VPS41: variants seen among roughly 807,000 people sequenced by gnomAD.
VPS41 encodes the protein vacuolar protein sorting-associated protein 41 homolog.
A neutral mutation model predicts 130.9 loss-of-function variants in VPS41; 85 were observed. The observed-to-expected ratio is 0.65, with a 90% CI of 0.55 to 0.78. The LOEUF (loss-of-function observed/expected upper bound fraction) is 0.78, where lower values mean the gene tolerates loss of function less well. VPS41 is among the 30% of genes least tolerant of loss of function. VPS41 has a pLI of 0.00. For synonymous variants in VPS41, 335 were observed against 332.9 expected (o/e 1.01, Z -0.07); for missense variants, 874 against 1,018.7 (o/e 0.86, Z 1.93).
chr7:38,824,684 T>C (rs1785237993), intron 5 of VPS41, among the ~76,000 whole-genome samples: 1 of 152,170 alleles, frequency 6.6e-6, no homozygotes, highest in African/African-American at 2.4e-5. Context: ...CTTAAATATG[T>C]GCCAAACTGA....
chr7:38,857,116 C>A (rs1454655112), intron 4 of VPS41, among the ~76,000 whole-genome samples: 1 of 152,176 alleles, frequency 6.6e-6, no homozygotes, highest in Non-Finnish European at 1.5e-5. Context: ...CTAAGGAATA[C>A]AGTCCATTAG....
intron 2 of VPS41, among the ~76,000 whole-genome samples, chr7:38,893,891 A>C (rs1269633340): frequency 2.0e-5 from 3 of 152,238 alleles, no homozygotes; most frequent in Non-Finnish European, 4.4e-5. Context: ...ACATACGGCC[A>C]GTTTTTGGTA....
At chr7:38,817,987 A>G (rs1479166492) in intron 6 of VPS41, 105 bp from the exon 7 acceptor site, 2 of 852,678 alleles carry the variant, frequency 2.3e-6, no homozygotes, top group Non-Finnish European at 4.0e-6. Context: ...ATTATCCTGA[A>G]ACCTTGGTAG....
intron 25 of VPS41, among the ~76,000 whole-genome samples, chr7:38,737,523 G>A (rs1192766921): frequency 2.0e-5 from 3 of 152,188 alleles, no homozygotes; most frequent in Admixed American, 6.5e-5. Flanking sequence ...AGGAGGCAGA[G>A]CAGCACCAAG....
chr7:38,873,398 A>T (rs1055140730), intron 2 of VPS41, among the ~76,000 whole-genome samples: 3 of 152,088 alleles, frequency 2.0e-5, no homozygotes, highest in African/African-American at 7.2e-5. Context: ...AATAAAAAAC[A>T]TTTAAAAGTC....
At chr7:38,738,107 C>T (rs933840752) in intron 25 of VPS41, among the ~76,000 whole-genome samples, 16 of 152,156 alleles carry the variant, frequency 1.1e-4, no homozygotes, top group African/African-American at 3.4e-4. Flanking sequence ...TGAGGCTTAG[C>T]CTGGTGAGAT....
intron 1 of VPS41, among the ~76,000 whole-genome samples, chr7:38,899,654 C>T (rs10274968): frequency 0.65 from 98,647 of 151,930 alleles, 33,758 homozygotes; most frequent in East Asian, 0.87. Flanking sequence ...CCTAACACCA[C>T]TGGGGTTGGA....
chr7:38,793,926 C>A (rs545084845), intron 9 of VPS41, among the ~76,000 whole-genome samples: 1 of 152,246 alleles, frequency 6.6e-6, no homozygotes, highest in East Asian at 1.9e-4. Context: ...TCTCAAGATC[C>A]TTAACTTAAT....
chr7:38,758,930 C>T (rs1395362692), intron 17 of VPS41, among the ~76,000 whole-genome samples: 1 of 148,604 alleles, frequency 6.7e-6, no homozygotes. Context: ...CCAAAGAGGA[C>T]CTGGAAGCTC....
intron 3 of VPS41, among the ~76,000 whole-genome samples, chr7:38,866,961 T>C (rs192430586): frequency 2.6e-5 from 4 of 152,212 alleles, no homozygotes; most frequent in South Asian, 2.1e-4. Flanking sequence ...ACCTATACAA[T>C]GGAATACTGT....
At chr7:38,864,392 T>C (rs1339243048) in intron 3 of VPS41, among the ~76,000 whole-genome samples, 5 of 152,238 alleles carry the variant, frequency 3.3e-5, no homozygotes, top group Non-Finnish European at 7.3e-5. Context: ...ATAATTATTT[T>C]GACTTTACAG....
chr7:38,824,667 C>A (rs1286428049), intron 5 of VPS41, among the ~76,000 whole-genome samples: 1 of 152,090 alleles, frequency 6.6e-6, no homozygotes, highest in Non-Finnish European at 1.5e-5. Context: ...AAAAAACATT[C>A]AAAAGCCTTA....
intron 4 of VPS41, among the ~76,000 whole-genome samples, chr7:38,840,108 G>A (rs1785579634): frequency 1.3e-5 from 2 of 152,224 alleles, no homozygotes; most frequent in East Asian, 1.9e-4. Context: ...TGAAGCAAAC[G>A]GGGAATTCTT....
intron 25 of VPS41, among the ~76,000 whole-genome samples, chr7:38,737,328 C>T (rs542398485): frequency 1.5e-4 from 23 of 152,110 alleles, no homozygotes; most frequent in Admixed American, 9.8e-4. Context: ...GCTGAGATCA[C>T]GCCACTGCAC....
At chr7:38,733,705 CTA>C (rs200562875) in intron 25 of VPS41, among the ~76,000 whole-genome samples, 1,724 of 152,292 alleles carry the variant, frequency 0.011, 45 homozygotes, top group African/African-American at 0.039. Flanking sequence ...TGAAACATCT[CTA>C]TGAAATATCT....
rs557238754 is a variant in VPS41 at position 38,797,289 on chromosome 7, GA to G, written c.451-426del. Among the ~76,000 whole-genome samples the G allele has an allele frequency of 3.3e-5, 5 of 152,244 alleles. No homozygotes were observed. The East Asian group carries it at 9.6e-4, about 29-fold the overall frequency. On this transcript the variant is annotated intron_variant, in intron 7 of 28. Coordinates refer to ENST00000310301, the MANE Select transcript of VPS41 (RefSeq NM_014396.4). ...ATTAGTCACAGATTAAACTGTAATAGAAACAGTCTATGTTTTTCATTTGACT... is the reference window on the plus strand; with the variant it reads ...ATTAGTCACAGATTAAACTGTAATAGAACAGTCTATGTTTTTCATTTGACT...
intron 1 of VPS41, among the ~76,000 whole-genome samples, chr7:38,902,377 G>A (rs576476671): frequency 2.1e-4 from 32 of 152,236 alleles, no homozygotes; most frequent in South Asian, 6.2e-4. Context: ...ACCCCTCGCC[G>A]AGATATTGCT....
chr7:38,816,225 T>C (rs1785046148), intron 7 of VPS41, among the ~76,000 whole-genome samples: 1 of 152,104 alleles, frequency 6.6e-6, no homozygotes, highest in South Asian at 2.1e-4. Context: ...TGAATGCAAC[T>C]ACAGCCTAAG....
intron 22 of VPS41, 148 bp from the exon 23 acceptor site, chr7:38,745,761 T>C: frequency 1.5e-6 from 1 of 667,940 alleles, no homozygotes; most frequent in Non-Finnish European, 2.6e-6. Context: ...CACATCTCCC[T>C]AGAATAGCTG....
Sources: allele counts gnomAD v4.1 joint callset (sites outside exome capture counted in the v4.1 genomes callset), GRCh38; gene constraint gnomAD v4.1.1; transcripts MANE v1.5; gene names NCBI Gene and HGNC (gene_info 2026-07-23, HGNC 2026-07-21).